PSMC2: variants seen among roughly 807,000 people sequenced by gnomAD.
The protein encoded by PSMC2 is proteasome 26S subunit, ATPase 2, also known as 26S proteasome regulatory subunit 7.
Under a neutral mutation model 53.3 loss-of-function variants are expected in PSMC2, and 7 were observed. The ratio of observed to expected loss-of-function variants is 0.13; its 90% confidence interval spans 0.07 to 0.25. PSMC2 has a LOEUF of 0.25. PSMC2 is among the 10% of genes least tolerant of loss of function. The pLI is 1.00. For synonymous variants in PSMC2, 169 were observed against 183.9 expected (o/e 0.92, Z 0.66); for missense variants, 241 against 544.0 (o/e 0.44, Z 5.54).
At chr7:103,354,223 C>T (rs1052380643) in intron 2 of PSMC2, among the ~76,000 whole-genome samples, 4 of 151,956 alleles carry the variant, frequency 2.6e-5, no homozygotes, top group South Asian at 2.1e-4. Flanking sequence ...TAATACTATT[C>T]GTGATTAAAA....
intron 3 of PSMC2, 103 bp downstream of exon 3, chr7:103,355,052 A>G (rs1049818989): frequency 6.5e-6 from 5 of 767,062 alleles, no homozygotes; most frequent in Non-Finnish European, 1.1e-5. Context: ...CAGATTTAAA[A>G]AAAATCATTA....
chr7:103,347,733 G>A lies in PSMC2; in HGVS notation c.22G>A (p.Asp8Asn). 5 of 1,613,948 alleles carry A rather than the reference G, an allele frequency of 3.1e-6. No individual in the cohort carries two copies. The highest frequency in any genetic ancestry group is 4.2e-6 in the Non-Finnish European group (5 of 1,179,868). The change falls in exon 1 of 12, where the codon GAT becomes AAT. Residue 8 changes from aspartate (D) to asparagine (N), a missense_variant. Transcript: ENST00000292644. ...TAAAATGCCGGATTACCTCGGTGCC[G>A]ATCAGCGGAAGACCAAAGAGGATGA... MPDYLGA[D>N]QRKTKEDEKD...
intron 8 of PSMC2, 132 bp downstream of exon 8, chr7:103,364,439 C>CAACAAA: frequency 6.0e-6 from 6 of 994,428 alleles, no homozygotes; most frequent in Non-Finnish European, 8.8e-6. Context: ...GACAGAGTCT[C>CAACAAA]ATTGTGTTGC....
intron 1 of PSMC2, 110 bp downstream of exon 1, chr7:103,347,891 T>C: frequency 8.2e-7 from 1 of 1,212,858 alleles, no homozygotes. Flanking sequence ...CTGGCCCTTT[T>C]GTGCCCCTAG....
chr7:103,363,754 G>A (rs1022755560), intron 7 of PSMC2, among the ~76,000 whole-genome samples: 7 of 152,164 alleles, frequency 4.6e-5, no homozygotes, highest in African/African-American at 1.2e-4. Context: ...AAAAGACATC[G>A]AGAAGAAAGG....
At chr7:103,355,909 A>G in intron 4 of PSMC2, 116 bp downstream of exon 4, 1 of 700,830 alleles carries the variant, frequency 1.4e-6, no homozygotes, top group Non-Finnish European at 2.2e-6. Flanking sequence ...AATTCCAAGT[A>G]AATAAAGCTT....
At chr7:103,362,877 T>C in intron 6 of PSMC2, 119 bp downstream of exon 6, 2 of 735,454 alleles carry the variant, frequency 2.7e-6, no homozygotes, top group South Asian at 1.8e-5. Flanking sequence ...CACTGCAACC[T>C]CTGCCTCCCG....
In PSMC2 at chr7:103,347,718, G is replaced by C. The variant is rs754678714; in HGVS notation, c.7G>C (p.Asp3His). 1.2e-5 allele frequency: 19 copies of C among 1,613,836 alleles called. No homozygotes were observed. The highest frequency in any genetic ancestry group is 2.7e-5 in the African/African-American group (2 of 74,908). The change falls in exon 1 of 12, where the codon GAT becomes CAT. Residue 3 changes from aspartate to histidine, a missense_variant. Around this residue, in one of 6 missense-constraint regions of PSMC2, gnomAD observed 70 missense variants for 57.9 expected, o/e 1.21. Coordinates refer to ENST00000292644, the MANE Select transcript of PSMC2 (RefSeq NM_002803.4). MP[D>H]YLGADQRKTK... ...GGCTTTTGGAGCTGCTAAAATGCCG[G>C]ATTACCTCGGTGCCGATCAGCGGAA...
Position 103,367,909 on chromosome 7 carries a change from G to A in PSMC2, c.1157G>A (p.Arg386Lys). Residue 386 changes from arginine to lysine, a missense_variant, in exon 12 of 12, where the codon AGA becomes AAA. Physicochemically the swap from Arg to Lys is conservative, Grantham distance 26. Transcript: ENST00000292644. The surrounding 1 kb of genome is among the most constrained non-coding windows in gnomAD (Gnocchi z 6.1). ...TTTTGTTTGAAAGGTGCTGAGATTA[G>A]AAGCGTCTGCACAGAGGCTGGTATG... ...LCPNSTGAEI[R>K]SVCTEAGMFA... The A allele has an allele frequency of 1.2e-6, 2 of 1,613,536 alleles. No individual in the cohort carries two copies. The highest frequency in any genetic ancestry group is 1.7e-6 in the Non-Finnish European group (2 of 1,179,870).
chr7:103,351,000 A>G (rs1819720929), intron 1 of PSMC2, among the ~76,000 whole-genome samples: 1 of 143,604 alleles, frequency 7.0e-6, no homozygotes, highest in East Asian at 1.9e-4. Context: ...TCTTTCCTTC[A>G]TTGTGTCCTC....
At chr7:103,362,794 C>CT (rs368268286) in intron 6 of PSMC2, 36 bp downstream of exon 6, 61,489 of 831,696 alleles carry the variant, frequency 0.074, 44 homozygotes, top group East Asian at 0.098. Flanking sequence ...AAGGCTATGT[C>CT]TTTTTTTTTT....
intron 4 of PSMC2, among the ~76,000 whole-genome samples, chr7:103,357,443 G>A (rs979454966): frequency 1.3e-5 from 2 of 151,480 alleles, no homozygotes; most frequent in African/African-American, 4.8e-5. Context: ...TTTGGTTTTC[G>A]TCTTCATGGT....
In PSMC2 at chr7:103,368,628, A is replaced by G. The variant is rs1820849319; in HGVS notation, c.*574A>G. ...TTAAAGTAGGAGAAACATTGGATGT[A>G]TATGTTTTGCATTGCCATTTGATTT... On this transcript the variant is annotated 3_prime_UTR_variant, in exon 12 of 12. Coordinates refer to ENST00000292644, the MANE Select transcript of PSMC2 (RefSeq NM_002803.4). 1 of 152,176 alleles carries G rather than the reference A, an allele frequency of 6.6e-6. No individual in the cohort carries two copies. The highest frequency in any genetic ancestry group is 2.4e-5 in the African/African-American group (1 of 41,438). The allele number at this position is 152,176 out of a possible 1,614,324, so 9.4% of individuals were successfully genotyped here.
chr7:103,361,668 A>G (rs1820422973), intron 4 of PSMC2, among the ~76,000 whole-genome samples: 1 of 152,208 alleles, frequency 6.6e-6, no homozygotes, highest in Non-Finnish European at 1.5e-5. Flanking sequence ...CAGGAGCATC[A>G]CTAATAATAA....
chr7:103,364,205 C>A lies in PSMC2; in HGVS notation c.654C>A (p.Pro218=). 1 of 1,614,134 alleles carries A rather than the reference C, an allele frequency of 6.2e-7. No individual in the cohort carries two copies. Among genetic ancestry groups the A allele is most frequent in the Non-Finnish European group, 8.5e-7 (1 of 1,180,028 alleles). The change falls in exon 8 of 12, where the codon CCC becomes CCA. Residue 218 remains proline (P), a synonymous_variant. Transcript: ENST00000292644. ...PPKGVLLFGP[P]GTGKTLCARA... is the part of the protein sequence containing the mutation. The stretch of plus-strand genomic sequence containing the variant: ...AGGGCGTGCTGCTCTTTGGTCCACC[C>A]GGTACAGGCAAGACACTCTGTGCGC...
In PSMC2 at chr7:103,369,203, T is replaced by G. The variant is rs1353503448; in HGVS notation, c.*1149T>G. 10 of 152,186 alleles carry G rather than the reference T, an allele frequency of 6.6e-5. No homozygotes were observed. Among genetic ancestry groups the G allele is most frequent in the Admixed American group, 6.5e-4 (10 of 15,270 alleles). The allele number at this position is 152,186 out of a possible 1,614,324, so 9.4% of individuals were successfully genotyped here. A position where few individuals can be genotyped will look rare whatever the true frequency, so the allele number is the denominator to read the frequency against. On this transcript the variant is annotated 3_prime_UTR_variant, in exon 12 of 12. Transcript: ENST00000292644. Reference sequence around the variant, plus strand: ...AGCCTTTTATAAAATCCAACCAACATTCTTGATTTTTCATTTTTATGAACT... The same window carrying G: ...AGCCTTTTATAAAATCCAACCAACAGTCTTGATTTTTCATTTTTATGAACT...
intron 1 of PSMC2, among the ~76,000 whole-genome samples, chr7:103,350,564 T>G (rs1383002269): frequency 6.6e-6 from 1 of 152,156 alleles, no homozygotes; most frequent in African/African-American, 2.4e-5. Flanking sequence ...TCATAGTCAC[T>G]GCAGGCTGGG....
At chr7:103,364,954 C>CAT (rs1554575463) in intron 8 of PSMC2, among the ~76,000 whole-genome samples, 1 of 38,962 alleles carries the variant, frequency 2.6e-5, no homozygotes, top group African/African-American at 9.8e-5. Flanking sequence ...TGTTTGTAGA[C>CAT]ATACATATAT....
rs973632109 is a variant in PSMC2 at position 103,348,634 on chromosome 7, C to T, written c.70+853C>T. 4 of 1,353,696 alleles carry T rather than the reference C, an allele frequency of 3.0e-6. No homozygotes were observed. The Admixed American group carries it at 6.7e-5, about 23-fold the overall frequency. 83.9% of individuals were successfully genotyped at this position (1,353,696 alleles called of 1,614,324 possible). ...CCAGAAGCTATGCTGGAGCCACCCG[C>T]GAAAATTCGGCCAGGGTTCTCGCTC... On this transcript the variant is annotated intron_variant, in intron 1 of 11. Coordinates refer to ENST00000292644, the MANE Select transcript of PSMC2 (RefSeq NM_002803.4).
Sources: gnomAD v4.1 joint callset for allele counts (sites outside exome capture counted in the v4.1 genomes callset) on GRCh38, gnomAD v4.1.1 for gene constraint, gnomAD v4.1.1 regional missense constraint, Gnocchi (gnomAD v3.1) non-coding constraint, MANE v1.5 for transcripts, NCBI Gene and HGNC (gene_info 2026-07-23, HGNC 2026-07-21) for gene names.